Variants in CBL observed in about 807,000 individuals in gnomAD.
The protein encoded by CBL is Cbl proto-oncogene, also known as E3 ubiquitin-protein ligase CBL.
In CBL, 45 loss-of-function variants were observed where a neutral mutation model predicts 96.9. The ratio of observed to expected loss-of-function variants is 0.46; its 90% CI spans 0.37 to 0.60. The LOEUF is 0.60. Among genes scored for constraint, CBL ranks in the 20% least tolerant of loss-of-function variants. The pLI, the probability that CBL is intolerant of heterozygous loss-of-function variation, is 0.00. For synonymous variants in CBL, 420 were observed against 426.8 expected, an observed-to-expected ratio of 0.98 and a Z score of 0.20; for missense variants, 1,024 against 1,143.5, an observed-to-expected ratio of 0.90 and a Z score of 1.51.
Position 119,206,469 on chromosome 11 carries a change from G to C in CBL, c.52G>C (p.Gly18Arg), listed in dbSNP as rs765337015. Residue 18 changes from glycine to arginine, a missense_variant, in exon 1 of 16, where the codon GGG (glycine) becomes CGG (arginine). By Grantham distance (125) the Gly-to-Arg change is moderately radical. Coordinates refer to ENST00000264033, the MANE Select transcript of CBL (RefSeq NM_005188.4). ...SSGAGGGSGS[G>R]GSGSGGLIGL... Reference sequence around the variant, plus strand: ...TGGGGCCGGGGGCGGCAGCGGCTCCGGGGGCTCGGGTTCGGGTGGCCTGAT... The same window carrying C: ...TGGGGCCGGGGGCGGCAGCGGCTCCCGGGGCTCGGGTTCGGGTGGCCTGAT... 1 of 1,574,356 alleles carries C rather than the reference G, an allele frequency of 6.4e-7. No homozygotes were observed. The highest frequency in any genetic ancestry group is 8.6e-7 in the Non-Finnish European group (1 of 1,164,374).
rs1373823734 is a variant in CBL at position 119,305,350 on chromosome 11, A to G, written c.*5569A>G. The G allele has an allele frequency of 1.3e-5, 3 of 231,692 alleles. No individual in the cohort carries two copies. Among genetic ancestry groups the G allele is most frequent in the Non-Finnish European group, 2.6e-5 (3 of 117,160 alleles). The allele number at this position is 231,692 out of a possible 1,614,324, so 14.4% of individuals were successfully genotyped here. On this transcript the variant is annotated 3_prime_UTR_variant, in exon 16 of 16. Transcript: ENST00000264033. ...CCTTCCTTAGCCTCCATTCAGCCTC[A>G]GGTCTTTTGCCTTCTTCCGTGTTTA...
chr11:119,226,246 A>G (rs1949457628), intron 1 of CBL, among the ~76,000 whole-genome samples: 1 of 152,146 alleles, frequency 6.6e-6, no homozygotes, highest in Non-Finnish European at 1.5e-5. Context: ...GGGAATCATC[A>G]AAGGGTGATA....
At chr11:119,242,615 A>T (rs558979290) in intron 2 of CBL, among the ~76,000 whole-genome samples, 2 of 151,354 alleles carry the variant, frequency 1.3e-5, no homozygotes, top group Admixed American at 6.6e-5. Flanking sequence ...TTTAAAAAAG[A>T]AAAATTGGCT....
In CBL at chr11:119,299,563, C is replaced by T. The variant is rs368696716; in HGVS notation, c.2503C>T (p.Arg835Trp). 1.3e-5 allele frequency: 21 copies of T among 1,614,090 alleles called. No individual in the cohort carries two copies. Among genetic ancestry groups the T allele is most frequent in the East Asian group, 2.2e-5 (1 of 44,906 alleles). The stretch of plus-strand genomic sequence containing the variant: ...ATTCCCGCGGAGAATCAACTCTGAA[C>T]GGAAAGCTGGCAGCTGTCAGCAAGG... Reference protein sequence around the residue: ...KPFPRRINSERKAGSCQQGSG... With the variant: ...KPFPRRINSEWKAGSCQQGSG... The change falls in exon 16 of 16, where the codon CGG becomes TGG. Residue 835 changes from arginine to tryptophan, a missense_variant. Physicochemically the swap from Arg to Trp is moderately radical, Grantham distance 101. Transcript: ENST00000264033.
intron 12 of CBL, among the ~76,000 whole-genome samples, chr11:119,294,226 C>G (rs535534727): frequency 6.7e-6 from 1 of 148,922 alleles, no homozygotes; most frequent in African/African-American, 2.5e-5. Context: ...GTCCGGATAT[C>G]GAGACCAGCC....
intron 2 of CBL, among the ~76,000 whole-genome samples, chr11:119,260,101 A>T (rs1949743070): frequency 6.6e-6 from 1 of 152,204 alleles, no homozygotes; most frequent in Admixed American, 6.5e-5. Flanking sequence ...AAAATACCTG[A>T]ACACTGAATG....
intron 1 of CBL, among the ~76,000 whole-genome samples, chr11:119,223,041 G>A (rs1009404937): frequency 6.6e-6 from 1 of 152,006 alleles, no homozygotes; most frequent in Non-Finnish European, 1.5e-5. Context: ...TTATCCAGGT[G>A]TGGTGGCGTG....
At chr11:119,235,977 GA>G (rs1389206767) in intron 2 of CBL, among the ~76,000 whole-genome samples, 1 of 151,948 alleles carries the variant, frequency 6.6e-6, no homozygotes, top group Non-Finnish European at 1.5e-5. Flanking sequence ...TGTAAATAGG[GA>G]AAAATATATA....
At position 119,232,494 on chromosome 11, in the gene CBL, C is replaced by T. The variant is rs1486391049; in HGVS notation, c.242C>T (p.Pro81Leu). The T allele has an allele frequency of 6.2e-7, 1 of 1,613,904 alleles. No homozygotes were observed. Among genetic ancestry groups the T allele is most frequent in the Non-Finnish European group, 8.5e-7 (1 of 1,179,860 alleles). Residue 81 changes from proline (P) to leucine (L), a missense_variant, in exon 2 of 16, where the codon CCA becomes CTA. By Grantham distance (98) the Pro-to-Leu change is moderately conservative. This residue lies in a region of CBL where 114 missense variants were observed against 117.4 expected (regional missense o/e 0.97). Transcript: ENST00000264033. The part of the protein sequence containing the change: ...QNPKLALKNS[P>L]PYILDLLPDT... ...CCAAAGCTGGCGCTAAAGAATAGCC[C>T]ACCTTATATCTTAGACCTGCTACCA... is the stretch of plus-strand genomic sequence containing the variant.
chr11:119,285,433 CAAGT>C lies in CBL; in HGVS notation c.1809_1812del (p.Ser604ProfsTer10). ...ATCCCCAAAGTACCAGTATCTGCCCCAAGTTCCAGTGATCCCTGGACAGGAAGAG... is the reference window on the plus strand; with the variant it reads ...ATCCCCAAAGTACCAGTATCTGCCCCTCCAGTGATCCCTGGACAGGAAGAG... On this transcript the variant is annotated frameshift_variant, in exon 11 of 16. Coordinates refer to ENST00000264033, the MANE Select transcript of CBL (RefSeq NM_005188.4). LOFTEE classifies it high-confidence loss of function. 6.2e-7 allele frequency: 1 copy of C among 1,614,218 alleles called. No individual in the cohort carries two copies. The highest frequency in any genetic ancestry group is 8.5e-7 in the Non-Finnish European group (1 of 1,180,034).
chr11:119,305,677 C>T lies in CBL; in HGVS notation c.*5896C>T, dbSNP rs1053596764. ...TTCCAGTTTAGGATAGAGTTTTTAC[C>T]GAGAGCTCTTTAGACAGTATACCTG... On this transcript the variant is annotated 3_prime_UTR_variant, in exon 16 of 16. Coordinates refer to ENST00000264033, the MANE Select transcript of CBL (RefSeq NM_005188.4). 1.3e-5 allele frequency: 3 copies of T among 224,316 alleles called. No individual in the cohort carries two copies. Among genetic ancestry groups the T allele is most frequent in the African/African-American group, 2.2e-5 (1 of 44,816 alleles). The allele number at this position is 224,316 out of a possible 1,614,324, so 13.9% of individuals were successfully genotyped here. A position where few individuals can be genotyped will look rare whatever the true frequency, so the allele number is the denominator to read the frequency against.
In CBL at chr11:119,274,749, T is replaced by C. The variant is rs913334161; in HGVS notation, c.748-83T>C. 26 of 1,251,426 alleles carry C rather than the reference T, an allele frequency of 2.1e-5. No homozygotes were observed. The African/African-American group carries it at 2.4e-4, about 12-fold the overall frequency. The allele number at this position is 1,251,426 out of a possible 1,614,324, so 77.5% of individuals were successfully genotyped here. A position where few individuals can be genotyped will look rare whatever the true frequency, so the allele number is the denominator to read the frequency against. The stretch of plus-strand genomic sequence containing the variant: ...TTTCTGACAATGAACTGAGAGTTGG[T>C]GTTGTTTTTTTTTTTTCTCATTGCC... On this transcript the variant is annotated intron_variant, in intron 4 of 15. Coordinates refer to ENST00000264033, the MANE Select transcript of CBL (RefSeq NM_005188.4).
chr11:119,301,745 C>T lies in CBL; in HGVS notation c.*1964C>T, dbSNP rs1018484446. ...AGCCCACCATTAGGTGAGGCGGTCC[C>T]GAGTTGAGGTAGAGTGGGGCAGAGG... On this transcript the variant is annotated 3_prime_UTR_variant, in exon 16 of 16. Transcript: ENST00000264033. 4 of 233,056 alleles carry T rather than the reference C, an allele frequency of 1.7e-5. No homozygotes were observed. The highest frequency in any genetic ancestry group is 5.6e-5 in the Admixed American group (1 of 17,768). The allele number at this position is 233,056 out of a possible 1,614,324, so 14.4% of individuals were successfully genotyped here. A position where few individuals can be genotyped will look rare whatever the true frequency, so the allele number is the denominator to read the frequency against.
At chr11:119,242,759 A>AAAG (rs1163174018) in intron 2 of CBL, among the ~76,000 whole-genome samples, 1 of 151,288 alleles carries the variant, frequency 6.6e-6, no homozygotes, top group East Asian at 1.9e-4. Context: ...AAAAAAAAAA[A>AAAG]AAGAAACCAG....
rs1471228672 is a variant in CBL, at chr11:119,206,389, C to G, written c.-29C>G. 6.8e-7 allele frequency: 1 copy of G among 1,478,396 alleles called. No homozygotes were observed. Among genetic ancestry groups the G allele is most frequent in the Non-Finnish European group, 9.0e-7 (1 of 1,115,830 alleles). 91.6% of individuals were successfully genotyped at this position (1,478,396 alleles called of 1,614,324 possible). ...CTCGCAGTCGAGCCGAGCCGGCGGA[C>G]CCGCCTGGGCTCCGACCCTGCCCAG... On this transcript the variant is annotated 5_prime_UTR_variant, in exon 1 of 16. Coordinates refer to ENST00000264033, the MANE Select transcript of CBL (RefSeq NM_005188.4).
At chr11:119,226,660 G>A (rs2135261665) in intron 1 of CBL, among the ~76,000 whole-genome samples, 1 of 152,130 alleles carries the variant, frequency 6.6e-6, no homozygotes, top group South Asian at 2.1e-4. Flanking sequence ...ATTTCACCAT[G>A]TTGGCCAGGC....
intron 1 of CBL, among the ~76,000 whole-genome samples, chr11:119,218,585 G>T (rs1338208857): frequency 6.6e-6 from 1 of 152,144 alleles, no homozygotes; most frequent in East Asian, 1.9e-4. Flanking sequence ...CGCTGCTTCT[G>T]TCCTGGGCAT....
In CBL at chr11:119,297,056, T is replaced by C. The variant is rs761124605; in HGVS notation, c.2153+22T>C. On this transcript the variant is annotated intron_variant, in intron 13 of 15. Transcript: ENST00000264033. The stretch of plus-strand genomic sequence containing the variant: ...CACGGTAGGTTCACAACAACCCTTT[T>C]TGGGCCCTATACCTTTATGTGGGTA... The C allele has an allele frequency of 8.8e-6, 11 of 1,246,640 alleles. No individual in the cohort carries two copies. The South Asian group carries it at 9.5e-5, about 11-fold the overall frequency. 77.2% of individuals were successfully genotyped at this position (1,246,640 alleles called of 1,614,324 possible). A position where few individuals can be genotyped will look rare whatever the true frequency, so the allele number is the denominator to read the frequency against.
intron 1 of CBL, among the ~76,000 whole-genome samples, chr11:119,211,716 C>G (rs756718892): frequency 1.3e-5 from 2 of 151,940 alleles, no homozygotes; most frequent in African/African-American, 4.8e-5. Flanking sequence ...GTTGGCTAGG[C>G]TGGTCTCGAA....
Sources: allele counts gnomAD v4.1 joint callset (sites outside exome capture counted in the v4.1 genomes callset), GRCh38; gene constraint gnomAD v4.1.1; regional missense constraint gnomAD v4.1.1; transcripts MANE v1.5; gene names NCBI Gene and HGNC (gene_info 2026-07-23, HGNC 2026-07-21).